Variants in SELENOF observed in about 807,000 individuals in gnomAD.
SELENOF encodes 15 kDa selenoprotein.
In SELENOF, 16 loss-of-function variants were observed where a neutral mutation model predicts 20.5. The ratio of observed to expected loss-of-function variants is 0.78; its 90% CI spans 0.53 to 1.19. The LOEUF is 1.19. SELENOF is among the 50% of genes most tolerant of loss of function. SELENOF has a pLI of 0.00. For synonymous variants in SELENOF, 78 were observed against 74.5 expected, an observed-to-expected ratio of 1.05 and a Z score of -0.24; for missense variants, 215 against 194.2, an observed-to-expected ratio of 1.11 and a Z score of -0.64.
At chr1:86,914,367 C>G, upstream of SELENOF, 1 of 531,464 alleles carries the variant, frequency 1.9e-6, no homozygotes, top group Non-Finnish European at 3.4e-6. Flanking sequence ...ATTCACGACA[C>G]TTCGTCAAGC....
chr1:86,869,951 T>G (rs1658715968), intron 3 of SELENOF, among the ~76,000 whole-genome samples: 1 of 152,102 alleles, frequency 6.6e-6, no homozygotes, highest in African/African-American at 2.4e-5. Flanking sequence ...ATTTTTTTAT[T>G]TTTAGTAGAG....
In SELENOF at chr1:86,877,332, AG is replaced by A. The variant is rs1449447785; in HGVS notation, c.316+3329del. ...TCAATGAAGATAATGCTAATGGATC[AG>A]TATTCTTTCCAACAAAACTCCAATG... On this transcript the variant is annotated intron_variant, in intron 3 of 4. Transcript: ENST00000331835. Among the ~76,000 whole-genome samples the A allele has an allele frequency of 2.0e-5, 3 of 152,360 alleles. No individual in the cohort carries two copies. In the East Asian group the frequency reaches 5.8e-4, roughly 29 times the overall value.
At position 86,913,940 on chromosome 1, in the gene SELENOF, T is replaced by G. The variant is rs551827213; in HGVS notation, c.84+88A>C. 5 of 1,288,760 alleles carry G rather than the reference T, an allele frequency of 3.9e-6. 1 individual carries two copies. In the South Asian group the frequency reaches 5.9e-5, roughly 15 times the overall value. 79.8% of individuals were successfully genotyped at this position (1,288,760 alleles called of 1,614,324 possible). A position where few individuals can be genotyped will look rare whatever the true frequency, so the allele number is the denominator to read the frequency against. On this transcript the variant is annotated intron_variant, in intron 1 of 4. Transcript: ENST00000331835. ...TAAGGAAGCGCAGTCCTCCCCACCCTTTTCAACCAGGACCGAATGTTGCGT... is the reference window on the plus strand; with the variant it reads ...TAAGGAAGCGCAGTCCTCCCCACCCGTTTCAACCAGGACCGAATGTTGCGT...
intron 1 of SELENOF, among the ~76,000 whole-genome samples, chr1:86,910,749 C>A (rs1227009315): frequency 6.6e-6 from 1 of 151,312 alleles, no homozygotes; most frequent in Non-Finnish European, 1.5e-5. Flanking sequence ...TACTTACCAG[C>A]TAGAGTTGCA....
intron 4 of SELENOF, among the ~76,000 whole-genome samples, chr1:86,864,290 G>C (rs1285162761): frequency 6.6e-6 from 1 of 152,124 alleles, no homozygotes; most frequent in South Asian, 2.1e-4. Context: ...CCATTAGTTG[G>C]GTCCAATATT....
chr1:86,913,850 AGGC>A (rs1660057297), intron 1 of SELENOF, 175 bp downstream of exon 1: 1 of 617,732 alleles, frequency 1.6e-6, no homozygotes, highest in Admixed American at 2.8e-5. Context: ...TAGAAACCCA[AGGC>A]GGGGAAGGAG....
intron 1 of SELENOF, among the ~76,000 whole-genome samples, chr1:86,904,048 AAAG>A (rs1659770604): frequency 6.6e-6 from 1 of 152,244 alleles, no homozygotes; most frequent in Admixed American, 6.5e-5. Flanking sequence ...ATATTTTCTT[AAAG>A]ATTTATTGTT....
At chr1:86,868,154 G>A in intron 3 of SELENOF, 52 bp from the exon 4 acceptor site, 1 of 841,150 alleles carries the variant, frequency 1.2e-6, no homozygotes, top group Non-Finnish European at 1.9e-6. Flanking sequence ...ATCCAAGCTA[G>A]CTAAAAAGAT....
chr1:86,898,757 ATTTT>A (rs201958269), intron 2 of SELENOF, among the ~76,000 whole-genome samples: 3,572 of 136,172 alleles, frequency 0.026, 75 homozygotes, highest in African/African-American at 0.056. Context: ...AATTTTTTGT[ATTTT>A]TTTTTTGTTT....
chr1:86,865,355 A>C (rs1460585920), intron 4 of SELENOF, among the ~76,000 whole-genome samples: 1 of 152,200 alleles, frequency 6.6e-6, no homozygotes, highest in African/African-American at 2.4e-5. Context: ...AACCCAGAGA[A>C]GGGGAGAAAA....
chr1:86,897,598 G>C (rs1317476621), intron 2 of SELENOF, among the ~76,000 whole-genome samples: 1 of 152,164 alleles, frequency 6.6e-6, no homozygotes, highest in Non-Finnish European at 1.5e-5. Context: ...CTCTTTACCT[G>C]AGAACTGCTT....
chr1:86,868,526 T>C (rs1658673516), intron 3 of SELENOF, among the ~76,000 whole-genome samples: 2 of 152,144 alleles, frequency 1.3e-5, no homozygotes, highest in Admixed American at 6.5e-5. Flanking sequence ...GTAAGAATTT[T>C]TTAATGTGCT....
intron 4 of SELENOF, among the ~76,000 whole-genome samples, chr1:86,867,151 T>C (rs1284632629): frequency 6.6e-6 from 1 of 152,072 alleles, no homozygotes; most frequent in Non-Finnish European, 1.5e-5. Flanking sequence ...TGGTTCCAAA[T>C]ATATAACATT....
intron 2 of SELENOF, among the ~76,000 whole-genome samples, chr1:86,895,487 A>G (rs1659498043): frequency 6.6e-6 from 1 of 152,212 alleles, no homozygotes; most frequent in Non-Finnish European, 1.5e-5. Flanking sequence ...AATCCTCATA[A>G]TCACCCTATG....
At chr1:86,894,273 A>C (rs1250787389) in intron 2 of SELENOF, among the ~76,000 whole-genome samples, 7 of 151,930 alleles carry the variant, frequency 4.6e-5, no homozygotes. Flanking sequence ...ACATATAAAT[A>C]AGAGAAGAAT....
chr1:86,905,532 A>G (rs867145110), intron 1 of SELENOF, among the ~76,000 whole-genome samples: 1 of 152,188 alleles, frequency 6.6e-6, no homozygotes, highest in Non-Finnish European at 1.5e-5. Context: ...ACTTGTGCAC[A>G]GTTGTAAAAC....
intron 4 of SELENOF, among the ~76,000 whole-genome samples, chr1:86,864,048 T>G (rs1658532434): frequency 6.6e-6 from 1 of 152,246 alleles, no homozygotes; most frequent in Non-Finnish European, 1.5e-5. Flanking sequence ...AACAAGTATG[T>G]AATGCCCACA....
intron 2 of SELENOF, among the ~76,000 whole-genome samples, chr1:86,887,520 A>G (rs1000687722): frequency 6.6e-6 from 1 of 152,188 alleles, no homozygotes; most frequent in African/African-American, 2.4e-5. Context: ...ACATTGGAGG[A>G]ATCTTTCCAT....
At chr1:86,905,711 A>AAG in intron 1 of SELENOF, among the ~76,000 whole-genome samples, 1 of 152,130 alleles carries the variant, frequency 6.6e-6, no homozygotes, top group East Asian at 1.9e-4. Context: ...GGTAGGGGAA[A>AAG]TTTCAGATTG....
Sources: allele counts gnomAD v4.1 joint callset (sites outside exome capture counted in the v4.1 genomes callset), GRCh38; gene constraint gnomAD v4.1.1; transcripts MANE v1.5; gene names NCBI Gene and HGNC (gene_info 2026-07-23, HGNC 2026-07-21).